The following FBN1 variants were observed in gnomAD, a reference collection of about 807,000 sequenced individuals.
The protein encoded by FBN1 is fibrillin-1.
A neutral mutation model predicts 365.1 loss-of-function variants in FBN1; 29 were observed. That is an observed-to-expected ratio of 0.08 (90% confidence interval 0.06 to 0.11). The LOEUF (loss-of-function observed/expected upper bound fraction) is 0.11. Ranked by LOEUF, FBN1 falls within the 10% of genes least tolerant of loss-of-function variation. FBN1 has a pLI of 1.00. For synonymous variants in FBN1, 1,210 were observed against 1,270.5 expected, an observed-to-expected ratio of 0.95 and a Z score of 1.01; for missense variants, 2,476 against 3,703.2, an observed-to-expected ratio of 0.67 and a Z score of 8.60.
intron 7 of FBN1, among the ~76,000 whole-genome samples, chr15:48,536,589 T>G (rs1566922147): frequency 6.6e-6 from 1 of 152,204 alleles, no homozygotes; most frequent in South Asian, 2.1e-4. Context: ...CTTGATAATT[T>G]TAGAGTTTCA....
chr15:48,565,378 T>C (rs1396177073), intron 6 of FBN1, among the ~76,000 whole-genome samples: 1 of 151,894 alleles, frequency 6.6e-6, no homozygotes, highest in East Asian at 1.9e-4. Context: ...AATCAGAAAA[T>C]GAAATTCAAC....
intron 6 of FBN1, among the ~76,000 whole-genome samples, chr15:48,579,075 G>A (rs924105347): frequency 6.0e-5 from 9 of 150,818 alleles, no homozygotes; most frequent in Admixed American, 1.3e-4. Flanking sequence ...GTTAAAGCTC[G>A]CAGACACTTT....
chr15:48,593,854 A>G lies in FBN1; in HGVS notation c.538+2429T>C, dbSNP rs188705372. On this transcript the variant is annotated intron_variant, in intron 6 of 65. Transcript: ENST00000316623. ...ACTAAGGGAAAATGTAGATGAAGGG[A>G]GAAAGGAAAGTAGTAAAGGCCTCCC... 3.9e-4 allele frequency among the ~76,000 whole-genome samples: 59 copies of G among 152,308 alleles called. No homozygotes were observed. The East Asian group carries it at 0.011, about 28-fold the overall frequency.
At chr15:48,439,365 G>C (rs1236691690) in intron 50 of FBN1, among the ~76,000 whole-genome samples, 1 of 152,170 alleles carries the variant, frequency 6.6e-6, no homozygotes, top group African/African-American at 2.4e-5. Context: ...TGAAGGTCAA[G>C]AGCAATAAAA....
chr15:48,430,406 T>TAGAGAAA (rs1351139633), intron 56 of FBN1, among the ~76,000 whole-genome samples: 3 of 152,028 alleles, frequency 2.0e-5, no homozygotes, highest in Non-Finnish European at 1.5e-5. Flanking sequence ...AGGAGGAGAA[T>TAGAGAAA]AGAGAAAAGG....
In FBN1 at chr15:48,613,007, T is replaced by C. The variant is rs201854371; in HGVS notation, c.247+3A>G. 3.1e-6 allele frequency: 5 copies of C among 1,608,948 alleles called. No homozygotes were observed. Among genetic ancestry groups the C allele is most frequent in the Admixed American group, 3.3e-5 (2 of 60,028 alleles). ...CAGAATGACAAGTTTTCTATTTACT[T>C]ACGGACAATACACTGATTTCCGCCA... On this transcript the variant is annotated splice_donor_region_variant and intron_variant, in intron 3 of 65. Coordinates refer to ENST00000316623, the MANE Select transcript of FBN1 (RefSeq NM_000138.5).
chr15:48,439,805 A>T (rs1324136790), intron 50 of FBN1, among the ~76,000 whole-genome samples: 1 of 152,008 alleles, frequency 6.6e-6, no homozygotes, highest in Admixed American at 6.6e-5. Flanking sequence ...CGAAGTCTTG[A>T]GTCAGTCTAA....
Position 48,468,443 on chromosome 15 carries a change from A to T in FBN1, c.4551T>A (p.Phe1517Leu). ...AGCCAACTCGAGTTGGGTTCAGTTC[A>T]AAATCAGGTGGGCAGTCACAGATAT... is the stretch of plus-strand genomic sequence containing the variant. ...GSYICDCPPDFELNPTRVGCV... is the reference protein window; with the variant it reads ...GSYICDCPPDLELNPTRVGCV... The change falls in exon 37 of 66, where the codon TTT becomes TTA. Residue 1517 changes from phenylalanine to leucine, a missense_variant. Around this residue, in one of 5 missense-constraint regions of FBN1, gnomAD observed 1,780 missense variants for 2,840.8 expected, o/e 0.63. Coordinates refer to ENST00000316623, the MANE Select transcript of FBN1 (RefSeq NM_000138.5). 1 of 1,614,196 alleles carries T rather than the reference A, an allele frequency of 6.2e-7. No individual in the cohort carries two copies.
chr15:48,565,261 T>TA (rs2044251796), intron 6 of FBN1, among the ~76,000 whole-genome samples: 1 of 152,110 alleles, frequency 6.6e-6, no homozygotes, highest in African/African-American at 2.4e-5. Context: ...CAGAGAGAAA[T>TA]AAAGCTAGAA....
rs2042841965 is a variant in FBN1, at chr15:48,409,257, T to TA, written c.*1732dup. 2 of 152,242 alleles carry TA rather than the reference T, an allele frequency of 1.3e-5. No homozygotes were observed. The highest frequency in any genetic ancestry group is 4.1e-4 in the South Asian group (2 of 4,836). The allele number at this position is 152,242 out of a possible 1,614,324, so 9.4% of individuals were successfully genotyped here. ...AACCCATTCTTTCAGTGAGTAGCTC[T>TA]ATAATTGGGACCGTGTGTATTAAAC... On this transcript the variant is annotated 3_prime_UTR_variant, in exon 66 of 66. Coordinates refer to ENST00000316623, the MANE Select transcript of FBN1 (RefSeq NM_000138.5).
chr15:48,427,880 A>AC (rs2042990591), intron 57 of FBN1, 107 bp from the exon 58 acceptor site: 1 of 951,524 alleles, frequency 1.1e-6, no homozygotes, highest in East Asian at 2.6e-5. Flanking sequence ...GTAACACTTT[A>AC]CCCTGGGTGA....
intron 6 of FBN1, among the ~76,000 whole-genome samples, chr15:48,566,744 G>A (rs2044261020): frequency 6.6e-6 from 1 of 152,190 alleles, no homozygotes; most frequent in African/African-American, 2.4e-5. Flanking sequence ...GATTTATAGA[G>A]GAACAGCTGG....
At chr15:48,479,359 T>C (rs375643726) in intron 32 of FBN1, among the ~76,000 whole-genome samples, 6 of 152,194 alleles carry the variant, frequency 3.9e-5, no homozygotes, top group Non-Finnish European at 2.9e-5. Flanking sequence ...AGGAGAACAT[T>C]TGAGTAACTG....
chr15:48,626,810 T>G (rs1355162392), intron 2 of FBN1, among the ~76,000 whole-genome samples: 1 of 152,132 alleles, frequency 6.6e-6, no homozygotes, highest in Non-Finnish European at 1.5e-5. Flanking sequence ...AATTTAAATT[T>G]AAGGGAATTT....
Position 48,414,724 on chromosome 15 carries a change from G to A in FBN1, c.8051+812C>T, listed in dbSNP as rs1162249017. On this transcript the variant is annotated intron_variant, in intron 64 of 65. Coordinates refer to ENST00000316623, the MANE Select transcript of FBN1 (RefSeq NM_000138.5). ...ATCCTGGCTAACACGGTGAAACCCC[G>A]TTTCTATTAAAAATACAAAAAATTA... Among the ~76,000 whole-genome samples, 8 of 152,126 alleles carry A rather than the reference G, an allele frequency of 5.3e-5. No individual in the cohort carries two copies. In the East Asian group the frequency reaches 7.8e-4, roughly 15 times the overall value.
chr15:48,622,648 A>AATC (rs1403452400), intron 2 of FBN1, among the ~76,000 whole-genome samples: 1 of 152,142 alleles, frequency 6.6e-6, no homozygotes, highest in Non-Finnish European at 1.5e-5. Flanking sequence ...TACAGCCCAA[A>AATC]GATGGACCTT....
chr15:48,504,983 G>A, intron 16 of FBN1, 42 bp downstream of exon 16: 1 of 1,613,808 alleles, frequency 6.2e-7, no homozygotes, highest in Non-Finnish European at 8.5e-7. Flanking sequence ...GAGTGACAGA[G>A]GCTGAACCTC....
At chr15:48,599,456 T>C (rs1460407393) in intron 5 of FBN1, among the ~76,000 whole-genome samples, 1 of 152,120 alleles carries the variant, frequency 6.6e-6, no homozygotes, top group African/African-American at 2.4e-5. Context: ...TCTGGAATGA[T>C]GAAATCACGA....
intron 9 of FBN1, among the ~76,000 whole-genome samples, chr15:48,525,163 T>C (rs919218765): frequency 4.6e-5 from 7 of 151,966 alleles, no homozygotes; most frequent in African/African-American, 1.7e-4. Context: ...CTCAGCTCAC[T>C]GGAACCTCCA....
Sources: allele counts gnomAD v4.1 joint callset (sites outside exome capture counted in the v4.1 genomes callset), GRCh38; gene constraint gnomAD v4.1.1; regional missense constraint gnomAD v4.1.1; transcripts MANE v1.5; gene names NCBI Gene and HGNC (gene_info 2026-07-23, HGNC 2026-07-21).